ULK4: variants seen among roughly 807,000 people sequenced by gnomAD.
The protein encoded by ULK4 is unc-51 like kinase 4.
Under a neutral mutation model 160.6 loss-of-function variants are expected in ULK4, and 133 were observed. The observed-to-expected ratio is 0.83, with a 90% CI of 0.72 to 0.96. The LOEUF is 0.96. Among genes scored for constraint, ULK4 ranks in the 40% least tolerant of loss-of-function variants. The pLI is 0.00. For missense variants in ULK4, 1,580 were observed against 1,499.5 expected (o/e 1.05, Z -0.89); for synonymous variants, 534 against 539.8 (o/e 0.99, Z 0.15).
chr3:41,298,037 A>C (rs1212424119), intron 35 of ULK4, among the ~76,000 whole-genome samples: 1 of 152,212 alleles, frequency 6.6e-6, no homozygotes, highest in Non-Finnish European at 1.5e-5. Flanking sequence ...ATTGCCCATC[A>C]CCACTCAGGG....
intron 35 of ULK4, among the ~76,000 whole-genome samples, chr3:41,269,445 T>C (rs1228798465): frequency 6.6e-6 from 1 of 151,882 alleles, no homozygotes; most frequent in African/African-American, 2.4e-5. Context: ...AACATCTGGA[T>C]GAGGTGGCAG....
intron 2 of ULK4, among the ~76,000 whole-genome samples, chr3:41,945,989 T>C (rs561637402): frequency 4.0e-5 from 6 of 151,536 alleles, no homozygotes; most frequent in Non-Finnish European, 7.4e-5. Context: ...TCTGTGGAGT[T>C]AGAAGTCAAG....
chr3:41,526,086 TTC>T (rs551477082), intron 32 of ULK4, among the ~76,000 whole-genome samples: 29 of 152,316 alleles, frequency 1.9e-4, no homozygotes, highest in African/African-American at 6.3e-4. Context: ...CCTTATCTCC[TTC>T]TCTGTCTCAC....
intron 30 of ULK4, among the ~76,000 whole-genome samples, chr3:41,662,060 G>A (rs1009271849): frequency 5.3e-5 from 8 of 152,074 alleles, no homozygotes; most frequent in Non-Finnish European, 8.8e-5. Context: ...TACAGTATTC[G>A]CACATGATGT....
chr3:41,804,254 T>G (rs998017065), intron 19 of ULK4, among the ~76,000 whole-genome samples: 1 of 152,220 alleles, frequency 6.6e-6, no homozygotes, highest in Non-Finnish European at 1.5e-5. Flanking sequence ...GAGCATTTTT[T>G]CATGTGTTTT....
At chr3:41,901,203 G>A (rs534760637) in intron 12 of ULK4, among the ~76,000 whole-genome samples, 30 of 113,860 alleles carry the variant, frequency 2.6e-4, no homozygotes, top group Admixed American at 2.1e-3. Context: ...TTTTTGAGGC[G>A]GAGTCTCGCT....
intron 21 of ULK4, among the ~76,000 whole-genome samples, chr3:41,787,733 C>G (rs2040037926): frequency 6.6e-6 from 1 of 152,154 alleles, no homozygotes; most frequent in African/African-American, 2.4e-5. Flanking sequence ...TATGTGTTAT[C>G]TACCACAATA....
chr3:41,957,445 A>G lies in ULK4; in HGVS notation c.-48-2638T>C, dbSNP rs1700519710. ...ACTCCAGCCTGGGAGACAGAGCACC[A>G]CTCAAAAAAAAAAAAAAAAAATCAA... On this transcript the variant is annotated intron_variant, in intron 1 of 36. Coordinates refer to ENST00000301831, the MANE Select transcript of ULK4 (RefSeq NM_017886.4). Among the ~76,000 whole-genome samples, 3 of 106,790 alleles carry G rather than the reference A, an allele frequency of 2.8e-5. No individual in the cohort carries two copies. In the South Asian group the frequency reaches 1.2e-3, roughly 43 times the overall value. The allele number at this position is 106,790 out of a possible 152,430, so 70.1% of individuals were successfully genotyped here.
intron 17 of ULK4, among the ~76,000 whole-genome samples, chr3:41,863,440 CT>C (rs1367085296): frequency 6.6e-6 from 1 of 152,120 alleles, no homozygotes; most frequent in African/African-American, 2.4e-5. Flanking sequence ...GTTCTACCCT[CT>C]TTGGCCATGC....
intron 21 of ULK4, among the ~76,000 whole-genome samples, chr3:41,777,878 A>G (rs1337640524): frequency 7.0e-6 from 1 of 143,734 alleles, no homozygotes; most frequent in East Asian, 1.9e-4. Context: ...CCAATATCAT[A>G]CTGAATGGGC....
In ULK4 at chr3:41,791,078, A is replaced by T. The variant is rs559992016; in HGVS notation, c.2011-1235T>A. ...GGAGAGAGGGATATATAAAAAACAT[A>T]AAAAGACTTTGAAAAATATTTCCAT... On this transcript the variant is annotated intron_variant, in intron 20 of 36. Transcript: ENST00000301831. Among the ~76,000 whole-genome samples, 3 of 152,340 alleles carry T rather than the reference A, an allele frequency of 2.0e-5. No homozygotes were observed. The South Asian group carries it at 6.2e-4, about 32-fold the overall frequency.
intron 22 of ULK4, among the ~76,000 whole-genome samples, chr3:41,720,326 C>T (rs796298963): frequency 5.9e-5 from 9 of 152,280 alleles, no homozygotes; most frequent in African/African-American, 2.2e-4. Flanking sequence ...TAGTTCTCTA[C>T]AGCAATTCCA....
chr3:41,396,818 C>G (rs774484040), intron 35 of ULK4, among the ~76,000 whole-genome samples: 7 of 152,102 alleles, frequency 4.6e-5, no homozygotes, highest in Non-Finnish European at 1.0e-4. Flanking sequence ...CATCATAATC[C>G]TGCAATTCAG....
chr3:41,552,729 A>T (rs984093997), intron 32 of ULK4, among the ~76,000 whole-genome samples: 2 of 110,880 alleles, frequency 1.8e-5, no homozygotes, highest in Non-Finnish European at 4.1e-5. Context: ...TTTTTACAGA[A>T]ATAGAAAAAA....
At chr3:41,529,668 T>G (rs1395578004) in intron 32 of ULK4, among the ~76,000 whole-genome samples, 1 of 152,152 alleles carries the variant, frequency 6.6e-6, no homozygotes, top group African/African-American at 2.4e-5. Flanking sequence ...TTCCCCCATA[T>G]TTTTAGTAGA....
chr3:41,316,142 C>T (rs1022025007), intron 35 of ULK4, among the ~76,000 whole-genome samples: 48 of 152,102 alleles, frequency 3.2e-4, no homozygotes, highest in Non-Finnish European at 8.8e-5. Flanking sequence ...GCCCAAATGA[C>T]CATCAACTGA....
At chr3:41,818,977 C>T (rs182677061) in intron 19 of ULK4, among the ~76,000 whole-genome samples, 42 of 152,286 alleles carry the variant, frequency 2.8e-4, no homozygotes, top group African/African-American at 9.9e-4. Context: ...ATAAATACTA[C>T]TTAATATTAA....
At chr3:41,283,102 T>A (rs920272585) in intron 35 of ULK4, among the ~76,000 whole-genome samples, 1 of 152,130 alleles carries the variant, frequency 6.6e-6, no homozygotes, top group African/African-American at 2.4e-5. Flanking sequence ...TGAAATACCA[T>A]CTCATGCCAG....
chr3:41,805,694 G>C (rs2040621134), intron 19 of ULK4, among the ~76,000 whole-genome samples: 1 of 151,394 alleles, frequency 6.6e-6, no homozygotes, highest in Admixed American at 6.6e-5. Flanking sequence ...TTAGCATGAA[G>C]GGCTGTTGAA....
Sources: gnomAD v4.1 joint callset for allele counts (sites outside exome capture counted in the v4.1 genomes callset) on GRCh38, gnomAD v4.1.1 for gene constraint, MANE v1.5 for transcripts, NCBI Gene and HGNC (gene_info 2026-07-23, HGNC 2026-07-21) for gene names.